Variants in TTC28 observed in about 807,000 individuals in gnomAD.
TTC28 encodes the protein tetratricopeptide repeat domain 28.
In TTC28, 61 loss-of-function variants were observed where a neutral mutation model predicts 198.0. That is an observed-to-expected ratio of 0.31 (90% CI 0.25 to 0.38). The LOEUF (loss-of-function observed/expected upper bound fraction) is 0.38, where lower values mean the gene tolerates loss of function less well. Ranked by LOEUF, TTC28 falls within the 10% of genes least tolerant of loss-of-function variation. The pLI is 1.00. For missense variants in TTC28, 2,678 were observed against 3,164.0 expected, an observed-to-expected ratio of 0.85 and a Z score of 3.69; for synonymous variants, 1,171 against 1,297.8, an observed-to-expected ratio of 0.90 and a Z score of 2.10.
chr22:28,481,476 C>T (rs2048246062), intron 2 of TTC28, among the ~76,000 whole-genome samples: 1 of 152,074 alleles, frequency 6.6e-6, no homozygotes, highest in Non-Finnish European at 1.5e-5. Context: ...AAAGGATATA[C>T]TTTAGTATGG....
intron 5 of TTC28, among the ~76,000 whole-genome samples, chr22:28,222,319 G>A (rs1331945933): frequency 4.6e-5 from 7 of 152,050 alleles, no homozygotes; most frequent in Non-Finnish European, 7.4e-5. Context: ...TTTCAAAAGA[G>A]GGAAAATCCC....
intron 2 of TTC28, among the ~76,000 whole-genome samples, chr22:28,451,747 T>C (rs924895938): frequency 3.3e-5 from 5 of 152,204 alleles, no homozygotes; most frequent in African/African-American, 1.2e-4. Flanking sequence ...GACTATGTTA[T>C]AAATTTTCTT....
At chr22:28,246,617 C>CT (rs1393389219) in intron 5 of TTC28, among the ~76,000 whole-genome samples, 6 of 152,172 alleles carry the variant, frequency 3.9e-5, no homozygotes, top group Admixed American at 3.9e-4. Context: ...AATTACCTCA[C>CT]TGAATCCTCA....
At chr22:28,377,954 G>A (rs1056707071) in intron 2 of TTC28, among the ~76,000 whole-genome samples, 2 of 152,090 alleles carry the variant, frequency 1.3e-5, no homozygotes. Context: ...ATATGTTCAA[G>A]AAGCTAGAAA....
At chr22:28,243,763 A>T (rs978602473) in intron 5 of TTC28, among the ~76,000 whole-genome samples, 1 of 152,164 alleles carries the variant, frequency 6.6e-6, no homozygotes, top group African/African-American at 2.4e-5. Flanking sequence ...AGCAGGCAAA[A>T]GGTAAAAGGA....
intron 5 of TTC28, among the ~76,000 whole-genome samples, chr22:28,205,180 T>C (rs948934733): frequency 6.6e-6 from 1 of 152,054 alleles, no homozygotes; most frequent in Admixed American, 6.6e-5. Context: ...ACAGTGAAGA[T>C]AAAGAGATGC....
intron 12 of TTC28, among the ~76,000 whole-genome samples, chr22:28,040,572 G>T (rs2146670804): frequency 6.6e-6 from 1 of 152,306 alleles, no homozygotes; most frequent in Non-Finnish European, 1.5e-5. Context: ...ACTAGGTATT[G>T]ATGGAATGTA....
chr22:28,422,441 A>T (rs1045903474), intron 2 of TTC28, among the ~76,000 whole-genome samples: 26 of 144,710 alleles, frequency 1.8e-4, no homozygotes, highest in Admixed American at 5.6e-4. Context: ...ACATTAAATA[A>T]TTTTTTTTTT....
At chr22:28,171,786 G>A (rs1341596664) in intron 5 of TTC28, among the ~76,000 whole-genome samples, 2 of 152,018 alleles carry the variant, frequency 1.3e-5, no homozygotes, top group Non-Finnish European at 2.9e-5. Flanking sequence ...TTCCACACAA[G>A]TCACAATGCT....
chr22:28,344,245 T>C (rs2045874670), intron 2 of TTC28, among the ~76,000 whole-genome samples: 1 of 151,836 alleles, frequency 6.6e-6, no homozygotes, highest in Non-Finnish European at 1.5e-5. Flanking sequence ...GAATGAAACA[T>C]ATATTCTCTG....
chr22:28,089,276 A>G (rs1373600533), intron 12 of TTC28, among the ~76,000 whole-genome samples: 1 of 152,178 alleles, frequency 6.6e-6, no homozygotes, highest in Non-Finnish European at 1.5e-5. Flanking sequence ...AATGTCCAAC[A>G]ATGATAGACT....
chr22:28,090,548 C>G (rs886772383), intron 12 of TTC28, among the ~76,000 whole-genome samples: 16 of 152,022 alleles, frequency 1.1e-4, no homozygotes, highest in Admixed American at 9.8e-4. Context: ...GATCTTTGCT[C>G]CATTTCTATA....
At position 28,163,152 on chromosome 22, in the gene TTC28, G is replaced by A; in HGVS notation, c.1381C>T (p.Leu461=). 6.4e-7 allele frequency: 1 copy of A among 1,551,708 alleles called. No individual in the cohort carries two copies. Among genetic ancestry groups the A allele is most frequent in the South Asian group, 1.2e-5 (1 of 84,054 alleles). ...ERAKQYHEQQ[L]GIAEDLKDRA... ...TCCTTGAGATCCTCAGCAATGCCCA[G>A]CTGCTGCTCATGGTATTGTTTAGCT... The change falls in exon 6 of 23, where the codon CTG becomes TTG. Residue 461 remains leucine (L), a synonymous_variant. Coordinates refer to ENST00000397906, the MANE Select transcript of TTC28 (RefSeq NM_001145418.2).
intron 1 of TTC28, among the ~76,000 whole-genome samples, chr22:28,655,338 AAACCC>A (rs1484078753): frequency 2.0e-5 from 3 of 152,186 alleles, no homozygotes; most frequent in Non-Finnish European, 4.4e-5. Flanking sequence ...TGAAAACTAC[AAACCC>A]AATAAACATG....
At chr22:28,205,747 A>G (rs1238908122) in intron 5 of TTC28, among the ~76,000 whole-genome samples, 1 of 152,082 alleles carries the variant, frequency 6.6e-6, no homozygotes, top group Non-Finnish European at 1.5e-5. Context: ...GAGCCCACAT[A>G]AACACAAACC....
intron 17 of TTC28, among the ~76,000 whole-genome samples, chr22:27,994,178 T>C (rs1365595392): frequency 2.0e-5 from 3 of 152,054 alleles, no homozygotes; most frequent in Admixed American, 2.0e-4. Flanking sequence ...GCGTGGTGGC[T>C]CACGCCTGTA....
At chr22:28,246,186 T>C (rs890849849) in intron 5 of TTC28, among the ~76,000 whole-genome samples, 9 of 152,162 alleles carry the variant, frequency 5.9e-5, no homozygotes, top group East Asian at 1.9e-4. Flanking sequence ...AGAAAGAACA[T>C]AGCATTTGTA....
At chr22:28,032,260 TATATATA>T (rs1939156978) in intron 12 of TTC28, among the ~76,000 whole-genome samples, 1 of 93,914 alleles carries the variant, frequency 1.1e-5, no homozygotes, top group African/African-American at 4.9e-5. Context: ...AATATATATA[TATATATA>T]GTGTGTGTGT....
intron 2 of TTC28, among the ~76,000 whole-genome samples, chr22:28,526,797 C>T (rs2049012530): frequency 6.6e-6 from 1 of 151,940 alleles, no homozygotes; most frequent in Non-Finnish European, 1.5e-5. Flanking sequence ...TGCTCTGTTG[C>T]CCAGGTTGGA....
Sources: allele counts gnomAD v4.1 joint callset (sites outside exome capture counted in the v4.1 genomes callset), GRCh38; gene constraint gnomAD v4.1.1; transcripts MANE v1.5; gene names NCBI Gene and HGNC (gene_info 2026-07-23, HGNC 2026-07-21).